ADAM12: variants seen among roughly 807,000 people sequenced by gnomAD.
ADAM12 encodes disintegrin and metalloproteinase domain-containing protein 12.
In ADAM12, 70 loss-of-function variants were observed where a neutral mutation model predicts 106.4. The observed-to-expected ratio is 0.66, with a 90% confidence interval of 0.54 to 0.80. The LOEUF is 0.80. Among genes scored for constraint, ADAM12 ranks in the 30% least tolerant of loss-of-function variants. The pLI is 0.00. For synonymous variants in ADAM12, 420 were observed against 433.5 expected, an observed-to-expected ratio of 0.97 and a Z score of 0.39; for missense variants, 1,010 against 1,171.9, an observed-to-expected ratio of 0.86 and a Z score of 2.02.
At chr10:126,264,041 C>A (rs908996481) in intron 3 of ADAM12, among the ~76,000 whole-genome samples, 2 of 152,154 alleles carry the variant, frequency 1.3e-5, no homozygotes, top group African/African-American at 4.8e-5. Flanking sequence ...TTTAATGTCA[C>A]TTCATATTTT....
chr10:126,125,234 T>C (rs1956184336), intron 5 of ADAM12, among the ~76,000 whole-genome samples: 2 of 146,408 alleles, frequency 1.4e-5, no homozygotes, highest in South Asian at 4.3e-4. Flanking sequence ...CTTCCTTTTT[T>C]TTTTCTTTTC....
At chr10:126,074,268 C>T (rs1955056088) in intron 11 of ADAM12, among the ~76,000 whole-genome samples, 1 of 152,126 alleles carries the variant, frequency 6.6e-6, no homozygotes, top group Middle Eastern at 3.2e-3. Context: ...TTAAGAGAAG[C>T]CTGGAAAAGA....
intron 3 of ADAM12, among the ~76,000 whole-genome samples, chr10:126,196,614 A>G (rs1957601220): frequency 6.6e-6 from 1 of 152,242 alleles, no homozygotes; most frequent in Non-Finnish European, 1.5e-5. Flanking sequence ...GCTAGGTGGG[A>G]TACAAGAGTG....
Position 126,114,180 on chromosome 10 carries a change from C to A in ADAM12, c.603+3858G>T, listed in dbSNP as rs1278385. On this transcript the variant is annotated intron_variant, in intron 6 of 22. Transcript: ENST00000448723. Reference sequence around the variant, plus strand: ...TGATCATATCCACACAGGATACAGCCTCTGACACCTGGCCGACATGTAGGC... The same window carrying A: ...TGATCATATCCACACAGGATACAGCATCTGACACCTGGCCGACATGTAGGC... Among the ~76,000 whole-genome samples, 304 of 151,952 alleles carry A rather than the reference C, an allele frequency of 2.0e-3. 2 individuals carry two copies. The highest frequency in any genetic ancestry group is 6.7e-3 in the African/African-American group (277 of 41,458).
intron 3 of ADAM12, among the ~76,000 whole-genome samples, chr10:126,195,920 C>A (rs1165438760): frequency 6.6e-6 from 1 of 152,164 alleles, no homozygotes; most frequent in Non-Finnish European, 1.5e-5. Flanking sequence ...CAAAGTAAAA[C>A]CCGATCACCG....
chr10:126,082,446 G>A (rs1955246018), intron 11 of ADAM12, among the ~76,000 whole-genome samples: 1 of 138,326 alleles, frequency 7.2e-6, no homozygotes, highest in Non-Finnish European at 1.5e-5. Flanking sequence ...TCGGCTCACC[G>A]TAACTTCCGC....
At chr10:126,145,732 G>A (rs954412128) in intron 4 of ADAM12, 2 of 152,222 alleles carry the variant, frequency 1.3e-5, no homozygotes, top group African/African-American at 2.4e-5. Context: ...TCAAACAACA[G>A]AATATATGAA....
At chr10:126,060,922 G>A (rs1450871940) in intron 14 of ADAM12, among the ~76,000 whole-genome samples, 1 of 152,224 alleles carries the variant, frequency 6.6e-6, no homozygotes, top group Admixed American at 6.5e-5. Context: ...TGGTGTGGCA[G>A]TTGAGGATCT....
rs537846638 is a variant in ADAM12 at position 126,274,087 on chromosome 10, T to C, written c.260+4828A>G. Among the ~76,000 whole-genome samples the C allele has an allele frequency of 7.2e-5, 11 of 152,308 alleles. No homozygotes were observed. The South Asian group carries it at 2.3e-3, about 32-fold the overall frequency. ...TCCTGGGAACTCACTTCTGGCTTGG[T>C]CCAGGTTGTCCAGACTCCATCATCC... On this transcript the variant is annotated intron_variant, in intron 3 of 22. Transcript: ENST00000448723.
At chr10:126,376,548 G>T (rs571938221) in intron 1 of ADAM12, among the ~76,000 whole-genome samples, 2 of 152,296 alleles carry the variant, frequency 1.3e-5, no homozygotes, top group East Asian at 3.9e-4. Context: ...AGGTACTTAG[G>T]ATATCTAGAA....
chr10:126,110,343 C>T (rs1024595092), intron 6 of ADAM12, among the ~76,000 whole-genome samples: 2 of 151,986 alleles, frequency 1.3e-5, no homozygotes, highest in Non-Finnish European at 2.9e-5. Context: ...GAGGAGAATA[C>T]ATTTTGAACA....
In ADAM12 at chr10:126,061,085, G is replaced by A. The variant is rs1224581503; in HGVS notation, c.1609+3721C>T. Among the ~76,000 whole-genome samples, 8 of 152,224 alleles carry A rather than the reference G, an allele frequency of 5.3e-5. No individual in the cohort carries two copies. In the South Asian group the frequency reaches 6.2e-4, roughly 12 times the overall value. ...CACCCCTGGCAAACCACTATTCCAC[G>A]GCAACCTTGTCTTCAAAGCCTCCTA... On this transcript the variant is annotated intron_variant, in intron 14 of 22. Coordinates refer to ENST00000448723, the MANE Select transcript of ADAM12 (RefSeq NM_001288973.2).
chr10:126,089,487 A>G (rs922723536), intron 11 of ADAM12, among the ~76,000 whole-genome samples: 5 of 152,168 alleles, frequency 3.3e-5, no homozygotes, highest in African/African-American at 7.2e-5. Context: ...TCTTTTTTGT[A>G]CAGACAGAAA....
intron 3 of ADAM12, among the ~76,000 whole-genome samples, chr10:126,228,956 T>A (rs1958254319): frequency 6.6e-6 from 1 of 152,226 alleles, no homozygotes; most frequent in Non-Finnish European, 1.5e-5. Flanking sequence ...CAGAGGGTTG[T>A]CAGACAATAT....
At chr10:126,251,821 AT>A (rs1958772609) in intron 3 of ADAM12, among the ~76,000 whole-genome samples, 1 of 143,254 alleles carries the variant, frequency 7.0e-6, no homozygotes, top group Non-Finnish European at 1.5e-5. Flanking sequence ...AATTGATGGG[AT>A]GGATAGGATA....
At chr10:126,143,461 T>C (rs933102148) in intron 4 of ADAM12, among the ~76,000 whole-genome samples, 4 of 151,708 alleles carry the variant, frequency 2.6e-5, no homozygotes, top group African/African-American at 9.7e-5. Flanking sequence ...CATGTGTGTG[T>C]ATATGTATGT....
At chr10:126,193,567 TAAAG>T (rs938391304) in intron 3 of ADAM12, among the ~76,000 whole-genome samples, 4 of 152,156 alleles carry the variant, frequency 2.6e-5, no homozygotes, top group Admixed American at 6.5e-5. Flanking sequence ...TTTCAAAAGA[TAAAG>T]AAACAACAAT....
At chr10:126,386,707 CTCTT>C (rs1201401070) in intron 1 of ADAM12, among the ~76,000 whole-genome samples, 2 of 152,238 alleles carry the variant, frequency 1.3e-5, no homozygotes, top group African/African-American at 4.8e-5. Flanking sequence ...CAGTAGACTT[CTCTT>C]TATGTGTACA....
At chr10:126,260,698 C>T (rs1195574788) in intron 3 of ADAM12, among the ~76,000 whole-genome samples, 1 of 152,096 alleles carries the variant, frequency 6.6e-6, no homozygotes, top group Non-Finnish European at 1.5e-5. Context: ...AGAAACATTG[C>T]CACTGAAAAC....
Sources: gnomAD v4.1 joint callset for allele counts (sites outside exome capture counted in the v4.1 genomes callset) on GRCh38, gnomAD v4.1.1 for gene constraint, MANE v1.5 for transcripts, NCBI Gene and HGNC (gene_info 2026-07-23, HGNC 2026-07-21) for gene names.